GADL1: variants seen among roughly 807,000 people sequenced by gnomAD.
GADL1 encodes the protein GAD like acidic amino acid decarboxylase 1.
In GADL1, 71 loss-of-function variants were observed where a neutral mutation model predicts 69.5. The observed-to-expected ratio is 1.02, with a 90% CI of 0.84 to 1.25. The LOEUF (loss-of-function observed/expected upper bound fraction) is 1.25, where lower values mean the gene tolerates loss of function less well. GADL1 is among the 50% of genes most tolerant of loss of function. The pLI is 0.00. For missense variants in GADL1, 737 were observed against 631.8 expected (o/e 1.17, Z -1.79); for synonymous variants, 254 against 214.4 (o/e 1.18, Z -1.62).
Position 30,808,886 on chromosome 3 carries a change from C to T in GADL1, c.1051-7798G>A, listed in dbSNP as rs538657081. Among the ~76,000 whole-genome samples the T allele has an allele frequency of 5.3e-5, 8 of 152,146 alleles. No individual in the cohort carries two copies. In the South Asian group the frequency reaches 8.3e-4, roughly 16 times the overall value. On this transcript the variant is annotated intron_variant, in intron 11 of 14. Coordinates refer to ENST00000282538, the MANE Select transcript of GADL1 (RefSeq NM_207359.3). ...ATGAGAGCAGGTCATCAAAATAATT[C>T]GAAAACTCACCATCTTTGCACTTAT...
At chr3:30,806,565 T>G (rs1459626233) in intron 11 of GADL1, among the ~76,000 whole-genome samples, 2 of 152,110 alleles carry the variant, frequency 1.3e-5, no homozygotes, top group Admixed American at 1.3e-4. Context: ...AATAAAAAAG[T>G]CACCATCCTT....
At chr3:30,846,061 A>C (rs1297414372) in intron 6 of GADL1, among the ~76,000 whole-genome samples, 5 of 152,066 alleles carry the variant, frequency 3.3e-5, no homozygotes, top group Admixed American at 2.0e-4. Context: ...GATCAAAAAA[A>C]AAAAAAACAA....
intron 14 of GADL1, among the ~76,000 whole-genome samples, chr3:30,764,054 TAATTTGGTCAG>T (rs1696207431): frequency 1.3e-5 from 2 of 152,160 alleles, no homozygotes; most frequent in African/African-American, 4.8e-5. Flanking sequence ...AAATACTCCG[TAATTTGGTCAG>T]AATAGCATAG....
At chr3:30,883,181 T>A (rs1313724598) in intron 1 of GADL1, among the ~76,000 whole-genome samples, 4 of 152,000 alleles carry the variant, frequency 2.6e-5, no homozygotes, top group Admixed American at 2.6e-4. Context: ...ATTTTTGCTT[T>A]TGTTGCCTGT....
intron 1 of GADL1, among the ~76,000 whole-genome samples, chr3:30,886,209 C>A (rs1698706946): frequency 6.6e-6 from 1 of 152,000 alleles, no homozygotes; most frequent in Admixed American, 6.6e-5. Flanking sequence ...TACTTGATCG[C>A]CTAATAAGAA....
At chr3:30,891,487 A>C (rs1698786149) in intron 1 of GADL1, among the ~76,000 whole-genome samples, 3 of 152,104 alleles carry the variant, frequency 2.0e-5, no homozygotes, top group African/African-American at 7.2e-5. Context: ...CAGCAGAGGC[A>C]GGCAAAGGAG....
intron 1 of GADL1, among the ~76,000 whole-genome samples, chr3:30,884,855 T>C (rs967730484): frequency 6.6e-6 from 1 of 152,054 alleles, no homozygotes; most frequent in African/African-American, 2.4e-5. Context: ...TAATAACATA[T>C]ATTCTCTATC....
At chr3:30,782,817 GA>G (rs1696695875) in intron 13 of GADL1, among the ~76,000 whole-genome samples, 1 of 152,134 alleles carries the variant, frequency 6.6e-6, no homozygotes, top group African/African-American at 2.4e-5. Flanking sequence ...AGACAGGGGA[GA>G]CTATCAAGAG....
intron 11 of GADL1, among the ~76,000 whole-genome samples, chr3:30,825,952 G>A (rs1211551042): frequency 1.3e-5 from 2 of 151,868 alleles, no homozygotes; most frequent in African/African-American, 4.8e-5. Context: ...CCTTGTTGCC[G>A]TGAGTTAATA....
intron 11 of GADL1, among the ~76,000 whole-genome samples, chr3:30,801,917 C>T (rs1328428160): frequency 6.6e-6 from 1 of 152,168 alleles, no homozygotes; most frequent in African/African-American, 2.4e-5. Flanking sequence ...CCAATGTACT[C>T]AATGTCCTTG....
At chr3:30,812,478 C>G (rs540909355) in intron 11 of GADL1, among the ~76,000 whole-genome samples, 9 of 152,216 alleles carry the variant, frequency 5.9e-5, no homozygotes, top group African/African-American at 2.2e-4. Flanking sequence ...GGGAAACTCC[C>G]CTTTCTAAAA....
chr3:30,846,253 T>C (rs138554959), intron 6 of GADL1, among the ~76,000 whole-genome samples: 7 of 152,268 alleles, frequency 4.6e-5, no homozygotes, highest in East Asian at 1.9e-4. Flanking sequence ...GTTTCTATCA[T>C]TGGCAAAAGA....
chr3:30,733,891 GCCTCC>G (rs1320043389), intron 14 of GADL1, among the ~76,000 whole-genome samples: 5 of 152,086 alleles, frequency 3.3e-5, no homozygotes, highest in Admixed American at 2.0e-4. Flanking sequence ...CTTTCCCCGT[GCCTCC>G]CCCTTCTGAG....
intron 13 of GADL1, among the ~76,000 whole-genome samples, chr3:30,781,926 C>A (rs2125497702): frequency 6.6e-6 from 1 of 152,258 alleles, no homozygotes. Context: ...ATGTTAATTT[C>A]TTGGTACTAT....
chr3:30,805,779 C>T (rs1697242703), intron 11 of GADL1, among the ~76,000 whole-genome samples: 2 of 121,926 alleles, frequency 1.6e-5, no homozygotes, highest in African/African-American at 7.3e-5. Flanking sequence ...GACCAGTGCT[C>T]ATGGGAGACA....
intron 14 of GADL1, among the ~76,000 whole-genome samples, chr3:30,736,372 T>G (rs757667750): frequency 1.3e-5 from 2 of 152,122 alleles, no homozygotes; most frequent in Non-Finnish European, 2.9e-5. Context: ...TCTCTTCCAT[T>G]CAGAGCCGAT....
intron 1 of GADL1, among the ~76,000 whole-genome samples, chr3:30,865,640 G>A (rs913981715): frequency 2.0e-4 from 31 of 152,154 alleles, no homozygotes; most frequent in Non-Finnish European, 3.7e-4. Flanking sequence ...CTAGAGAAGA[G>A]ACAGTGGAGG....
At chr3:30,875,359 T>A (rs1450442181) in intron 1 of GADL1, among the ~76,000 whole-genome samples, 3 of 151,892 alleles carry the variant, frequency 2.0e-5, no homozygotes, top group African/African-American at 7.2e-5. Flanking sequence ...CATATTCCTC[T>A]CATCCACAAA....
At chr3:30,882,079 T>C (rs1271990840) in intron 1 of GADL1, among the ~76,000 whole-genome samples, 2 of 151,948 alleles carry the variant, frequency 1.3e-5, no homozygotes, top group Admixed American at 1.3e-4. Context: ...ACTAAGACAG[T>C]TTGACAAGTT....
Sources: gnomAD v4.1 joint callset for allele counts (sites outside exome capture counted in the v4.1 genomes callset) on GRCh38, gnomAD v4.1.1 for gene constraint, MANE v1.5 for transcripts, NCBI Gene and HGNC (gene_info 2026-07-23, HGNC 2026-07-21) for gene names.